Variants in COL5A3 observed in about 807,000 individuals in gnomAD.
COL5A3 encodes collagen type V alpha 3 chain, also known as collagen alpha-3(V) chain.
In COL5A3, 172 loss-of-function variants were observed where a neutral mutation model predicts 250.0. That is an observed-to-expected ratio of 0.69 (90% CI 0.61 to 0.78). The LOEUF (loss-of-function observed/expected upper bound fraction) is 0.78. COL5A3 is among the 30% of genes least tolerant of loss of function. The pLI, the probability that COL5A3 is intolerant of heterozygous loss-of-function variation, is 0.00. For synonymous variants in COL5A3, 937 were observed against 900.4 expected, an observed-to-expected ratio of 1.04 and a Z score of -0.73; for missense variants, 2,340 against 2,334.4, an observed-to-expected ratio of 1.00 and a Z score of -0.05.
At chr19:10,004,190 C>T in intron 4 of COL5A3, 45 bp from the exon 5 acceptor site, 1 of 1,438,036 alleles carries the variant, frequency 7.0e-7, no homozygotes. Flanking sequence ...GCCATACAGC[C>T]ATAGGCTTAC....
chr19:9,960,964 CTCCA>C (rs1279024466), intron 65 of COL5A3, 74 bp from the exon 66 acceptor site: 2 of 1,553,454 alleles, frequency 1.3e-6, no homozygotes, highest in African/African-American at 2.7e-5. Flanking sequence ...CCCCTGGAAT[CTCCA>C]TCCACTGGCA....
chr19:9,996,428 C>G lies in COL5A3; in HGVS notation c.1422+5G>C, dbSNP rs1393910737. On this transcript the variant is annotated splice_donor_5th_base_variant and intron_variant, in intron 13 of 66. Coordinates refer to ENST00000264828, the MANE Select transcript of COL5A3 (RefSeq NM_015719.4). The stretch of plus-strand genomic sequence containing the variant: ...CCTCCCACTATGTCCACACCTCCCA[C>G]TCACCTGAGTCTGCTGCAGAACTGC... The G allele has an allele frequency of 6.2e-7, 1 of 1,613,674 alleles. No individual in the cohort carries two copies. The highest frequency in any genetic ancestry group is 1.3e-5 in the African/African-American group (1 of 74,928).
In COL5A3 at chr19:9,968,688, G is replaced by T; in HGVS notation, c.4193C>A (p.Pro1398His). The T allele has an allele frequency of 3.1e-6, 5 of 1,607,012 alleles. No individual in the cohort carries two copies. Among genetic ancestry groups the T allele is most frequent in the Non-Finnish European group, 4.2e-6 (5 of 1,177,596 alleles). Reference sequence around the variant, plus strand: ...TGATGTCCTTACCTTTTCCCCCTTGGGGCCAGTGTCTCCCTTCAGCCCTGG... The same window carrying T: ...TGATGTCCTTACCTTTTCCCCCTTGTGGCCAGTGTCTCCCTTCAGCCCTGG... Reference protein sequence around the residue: ...GLPGLKGDTGPKGEKGHIGLI... With the variant: ...GLPGLKGDTGHKGEKGHIGLI... The change falls in exon 58 of 67, where the codon CCC (proline) becomes CAC (histidine). Residue 1398 changes from proline to histidine, a missense_variant. Physicochemically the swap from Pro to His is moderately conservative, Grantham distance 77 (BLOSUM62 -2). Transcript: ENST00000264828. This position sits in a 1 kb window ranked among gnomAD's most constrained non-coding sequence, Gnocchi z 4.1.
At chr19:9,991,243 AC>A (rs1170979942) in intron 24 of COL5A3, among the ~76,000 whole-genome samples, 1 of 152,012 alleles carries the variant, frequency 6.6e-6, no homozygotes, top group Non-Finnish European at 1.5e-5. Flanking sequence ...CCCTGTCCAC[AC>A]CCCCCAAAAA....
At chr19:10,008,186 G>A (rs956587536) in intron 1 of COL5A3, among the ~76,000 whole-genome samples, 8 of 152,112 alleles carry the variant, frequency 5.3e-5, no homozygotes, top group South Asian at 2.1e-4. Flanking sequence ...GATTGAGACC[G>A]ACGACCTCAC....
At chr19:9,973,732 C>A (rs954126504) in intron 49 of COL5A3, 24 bp downstream of exon 49, 1 of 1,613,916 alleles carries the variant, frequency 6.2e-7, no homozygotes, top group Admixed American at 1.7e-5. Flanking sequence ...TCCCCCCGTG[C>A]AGCCCCTGCC....
intron 16 of COL5A3, 127 bp from the exon 17 acceptor site, chr19:9,993,933 G>A (rs565654280): frequency 3.7e-6 from 3 of 810,524 alleles, no homozygotes; most frequent in Non-Finnish European, 6.1e-6. Flanking sequence ...TGTCACTCAG[G>A]TTGGAGTGCA....
intron 18 of COL5A3, 83 bp from the exon 19 acceptor site, chr19:9,993,516 G>A (rs2087225405): frequency 6.3e-7 from 1 of 1,577,822 alleles, no homozygotes; most frequent in South Asian, 1.1e-5. Flanking sequence ...TGGGGTGTGA[G>A]GAGGGACACA....
At chr19:9,961,374 G>C (rs977627157) in intron 65 of COL5A3, among the ~76,000 whole-genome samples, 4 of 151,294 alleles carry the variant, frequency 2.6e-5, no homozygotes, top group African/African-American at 7.3e-5. Flanking sequence ...TTCCTTTTTT[G>C]GGGGGTAAGG....
intron 40 of COL5A3, 95 bp from the exon 41 acceptor site, chr19:9,978,722 C>T (rs922481677): frequency 2.0e-6 from 2 of 979,570 alleles, no homozygotes; most frequent in East Asian, 5.6e-5. Flanking sequence ...CACCTCTCTC[C>T]TGGGACTGGA....
chr19:9,994,830 T>A (rs2087246918), intron 16 of COL5A3, among the ~76,000 whole-genome samples: 1 of 151,872 alleles, frequency 6.6e-6, no homozygotes, highest in Admixed American at 6.6e-5. Context: ...AGTAAGTATT[T>A]GTATGTCTAA....
rs193222566 is a variant in COL5A3, at chr19:9,985,382, T to C, written c.2406+460A>G. 6.1e-3 allele frequency among the ~76,000 whole-genome samples: 930 copies of C among 151,508 alleles called. 29 individuals carry two copies. The highest frequency in any genetic ancestry group is 0.055 in the Admixed American group (828 of 15,158). On this transcript the variant is annotated intron_variant, in intron 31 of 66. Coordinates refer to ENST00000264828, the MANE Select transcript of COL5A3 (RefSeq NM_015719.4). ...TTCAAGCGATTCTCCTGCCTCAGCC[T>C]CCCGAGTGGCTAGGATCACAGGTAT...
At position 9,970,043 on chromosome 19, in the gene COL5A3, G is replaced by GGGTGAGTGGGGTCTGT; in HGVS notation, c.3937-122_3937-121insACAGACCCCACTCACC. The stretch of plus-strand genomic sequence containing the variant: ...GGTCTGTAAGGTGAGTGGGGTCTGT[G>GGGTGAGTGGGGTCTGT]GGGTGAATGAGGTCTGGGTGAGTGG... On this transcript the variant is annotated intron_variant, in intron 54 of 66. Coordinates refer to ENST00000264828, the MANE Select transcript of COL5A3 (RefSeq NM_015719.4). 4 of 375,168 alleles carry GGGTGAGTGGGGTCTGT rather than the reference G, an allele frequency of 1.1e-5. 1 individual carries two copies. The highest frequency in any genetic ancestry group is 8.1e-5 in the Admixed American group (2 of 24,830). The allele number at this position is 375,168 out of a possible 1,614,324, so 23.2% of individuals were successfully genotyped here.
intron 8 of COL5A3, among the ~76,000 whole-genome samples, chr19:10,000,893 AC>A (rs1242820587): frequency 6.6e-6 from 1 of 152,156 alleles, no homozygotes; most frequent in Non-Finnish European, 1.5e-5. Context: ...CTAAATGAGA[AC>A]ACATGGACAC....
At chr19:9,983,226 G>C (rs2087034083) in intron 31 of COL5A3, among the ~76,000 whole-genome samples, 2 of 152,054 alleles carry the variant, frequency 1.3e-5, no homozygotes, top group Non-Finnish European at 2.9e-5. Flanking sequence ...TCTATGTCAG[G>C]TACAGTGGCT....
At chr19:9,967,187 G>A (rs1423691054) in intron 62 of COL5A3, among the ~76,000 whole-genome samples, 160 bp downstream of exon 62, 1 of 152,158 alleles carries the variant, frequency 6.6e-6, no homozygotes, top group African/African-American at 2.4e-5. Context: ...CTTCCTTGGG[G>A]TTTTACAGGG....
Position 9,967,592 on chromosome 19 carries a change from TAGGCATC to T in COL5A3, c.4405-199_4405-193del, listed in dbSNP as rs2086772769. On this transcript the variant is annotated intron_variant, in intron 61 of 66. Transcript: ENST00000264828. ...GGAAGAGACATGCAGTTTTCAGCAT[TAGGCATC>T]AGACACAAATTTTCTTTTCATGTTT... is the stretch of plus-strand genomic sequence containing the variant. The T allele has an allele frequency of 1.0e-5, 6 of 583,092 alleles. No individual in the cohort carries two copies. The South Asian group carries it at 1.5e-4, about 15-fold the overall frequency. The allele number at this position is 583,092 out of a possible 1,614,324, so 36.1% of individuals were successfully genotyped here.
chr19:9,977,538 T>C, intron 42 of COL5A3, 56 bp downstream of exon 42: 1 of 1,511,212 alleles, frequency 6.6e-7, no homozygotes, highest in South Asian at 1.3e-5. Context: ...TGTCCTGGGA[T>C]GTGGCAGGGC....
At chr19:9,989,652 C>T in intron 24 of COL5A3, 130 bp from the exon 25 acceptor site, 2 of 794,656 alleles carry the variant, frequency 2.5e-6, no homozygotes, top group Non-Finnish European at 3.9e-6. Context: ...GGAAATCTAT[C>T]CCAGCTCTGC....
Sources: gnomAD v4.1 joint callset for allele counts (sites outside exome capture counted in the v4.1 genomes callset) on GRCh38, gnomAD v4.1.1 for gene constraint, Gnocchi (gnomAD v3.1) non-coding constraint, MANE v1.5 for transcripts, NCBI Gene and HGNC (gene_info 2026-07-23, HGNC 2026-07-21) for gene names.